The following RBM19 variants were observed in gnomAD, a reference collection of about 807,000 sequenced individuals.
RBM19 encodes the protein probable RNA-binding protein 19.
Under a neutral mutation model 116.8 loss-of-function variants are expected in RBM19, and 94 were observed. That is an observed-to-expected ratio of 0.80 (90% CI 0.68 to 0.95). The LOEUF (loss-of-function observed/expected upper bound fraction) is 0.95, where lower values mean the gene tolerates loss of function less well. Ranked by LOEUF, RBM19 falls within the 40% of genes least tolerant of loss-of-function variation. The pLI, the probability that RBM19 is intolerant of heterozygous loss-of-function variation, is 0.00. For synonymous variants in RBM19, 475 were observed against 494.1 expected, an observed-to-expected ratio of 0.96 and a Z score of 0.51; for missense variants, 1,161 against 1,220.7, an observed-to-expected ratio of 0.95 and a Z score of 0.73.
chr12:113,868,453 T>C (rs973920941), intron 21 of RBM19, among the ~76,000 whole-genome samples: 5 of 152,244 alleles, frequency 3.3e-5, no homozygotes, highest in African/African-American at 9.6e-5. Flanking sequence ...CTGAAAGATA[T>C]TGATAGATAT....
chr12:113,938,407 ATCTATC>A (rs1870260022), intron 15 of RBM19, among the ~76,000 whole-genome samples: 1 of 110,790 alleles, frequency 9.0e-6, no homozygotes, highest in Admixed American at 7.9e-5. Context: ...GGACATGAAT[ATCTATC>A]TCTAAGAATT....
intron 16 of RBM19, among the ~76,000 whole-genome samples, chr12:113,929,590 C>T (rs1869423447): frequency 6.6e-6 from 1 of 152,218 alleles, no homozygotes; most frequent in Admixed American, 6.5e-5. Flanking sequence ...GCAGCTAAGA[C>T]TTCAGGTCCT....
At chr12:113,819,630 G>A (rs934807743), downstream of RBM19, among the ~76,000 whole-genome samples, 1 of 152,154 alleles carries the variant, frequency 6.6e-6, no homozygotes, top group East Asian at 1.9e-4. Context: ...AAAAACAACC[G>A]AAGCCGCCTT....
In RBM19 at chr12:113,966,292, C is replaced by A. The variant is rs1170008654; in HGVS notation, c.-65G>T. The A allele has an allele frequency of 3.1e-6, 5 of 1,604,756 alleles. No individual in the cohort carries two copies. Among genetic ancestry groups the A allele is most frequent in the African/African-American group, 1.3e-5 (1 of 74,774 alleles). ...TCAGCGTCTTCCACCAAGTTTCACG[C>A]TACCGCCCTGGGCGCCGCCATCTTT... On this transcript the variant is annotated 5_prime_UTR_variant, in exon 1 of 24. Transcript: ENST00000261741.
rs543428861 is a variant in RBM19, at chr12:113,950,059, A to T, written c.1072+24T>A. 7 of 1,561,822 alleles carry T rather than the reference A, an allele frequency of 4.5e-6. No individual in the cohort carries two copies. In the East Asian group the frequency reaches 1.6e-4, roughly 35 times the overall value. On this transcript the variant is annotated intron_variant, in intron 9 of 23. Transcript: ENST00000261741. ...CGAAGGAACGCTGTAACACAGAGAGAGCACATGGCCAGGGCTTCCTTACCC... is the reference window on the plus strand; with the variant it reads ...CGAAGGAACGCTGTAACACAGAGAGTGCACATGGCCAGGGCTTCCTTACCC...
intron 5 of RBM19, among the ~76,000 whole-genome samples, chr12:113,958,754 CA>C (rs1245942109): frequency 6.6e-6 from 1 of 152,202 alleles, no homozygotes; most frequent in Admixed American, 6.5e-5. Flanking sequence ...CCCCACACCA[CA>C]AACCCCTTCT....
At chr12:113,832,396 G>A (rs1410094169) in intron 23 of RBM19, among the ~76,000 whole-genome samples, 2 of 152,132 alleles carry the variant, frequency 1.3e-5, no homozygotes, top group Non-Finnish European at 2.9e-5. Flanking sequence ...CGCTGTGTTG[G>A]CCAGGCTGCT....
At chr12:113,867,712 G>C (rs902175229) in intron 21 of RBM19, among the ~76,000 whole-genome samples, 34 of 152,184 alleles carry the variant, frequency 2.2e-4, no homozygotes, top group Non-Finnish European at 8.8e-5. Flanking sequence ...CTTGGGGTTA[G>C]GAGTACTAGA....
Position 113,823,335 on chromosome 12 carries a change from G to C in RBM19, c.2786-14C>G, listed in dbSNP as rs1874585176. On this transcript the variant is annotated splice_polypyrimidine_tract_variant and intron_variant, in intron 23 of 23. Coordinates refer to ENST00000261741, the MANE Select transcript of RBM19 (RefSeq NM_016196.4). The stretch of plus-strand genomic sequence containing the variant: ...TCTTCGGGGGCTCTGTGGGAGCCCA[G>C]ATGGCAAGAGAGGAGAAAAGAACAG... The C allele has an allele frequency of 1.2e-6, 2 of 1,608,194 alleles. No homozygotes were observed. Among genetic ancestry groups the C allele is most frequent in the Admixed American group, 1.7e-5 (1 of 59,964 alleles).
At chr12:113,839,377 G>A (rs1469513633) in intron 23 of RBM19, among the ~76,000 whole-genome samples, 1 of 152,176 alleles carries the variant, frequency 6.6e-6, no homozygotes, top group African/African-American at 2.4e-5. Context: ...TGTTTCAGTG[G>A]GTGAGAGAGA....
chr12:113,827,177 G>T (rs1347139939), intron 23 of RBM19, among the ~76,000 whole-genome samples: 1 of 152,174 alleles, frequency 6.6e-6, no homozygotes, highest in East Asian at 1.9e-4. Flanking sequence ...CCGGAGAAAG[G>T]TGTAAAATAA....
Position 113,927,050 on chromosome 12 carries a change from T to A in RBM19, c.2244+4A>T. On this transcript the variant is annotated splice_donor_region_variant and intron_variant, in intron 17 of 23. Coordinates refer to ENST00000261741, the MANE Select transcript of RBM19 (RefSeq NM_016196.4). ...CCTCCCTCCTGGGCTGAGAAACCAC[T>A]CACTTCCTTCAGCTTCTCTTCTGTT... 1 of 1,612,150 alleles carries A rather than the reference T, an allele frequency of 6.2e-7. No homozygotes were observed. Among genetic ancestry groups the A allele is most frequent in the Non-Finnish European group, 8.5e-7 (1 of 1,179,238 alleles).
intron 21 of RBM19, among the ~76,000 whole-genome samples, chr12:113,879,361 G>A (rs1352956149): frequency 6.6e-6 from 1 of 151,292 alleles, no homozygotes; most frequent in African/African-American, 2.4e-5. Context: ...CTGGTTTGGA[G>A]AGAACAAATT....
At chr12:113,914,253 T>C (rs1882630572) in intron 21 of RBM19, among the ~76,000 whole-genome samples, 1 of 152,250 alleles carries the variant, frequency 6.6e-6, no homozygotes, top group African/African-American at 2.4e-5. Context: ...CCCAGCTGGA[T>C]GACCAGAGAG....
chr12:113,965,640 G>T (rs553909353), intron 1 of RBM19, among the ~76,000 whole-genome samples: 1 of 152,162 alleles, frequency 6.6e-6, no homozygotes, highest in Admixed American at 6.5e-5. Context: ...CCACGTGTCG[G>T]GTTCTGCGCT....
intron 21 of RBM19, among the ~76,000 whole-genome samples, chr12:113,875,137 G>A (rs1394245270): frequency 6.6e-6 from 1 of 152,270 alleles, no homozygotes; most frequent in Non-Finnish European, 1.5e-5. Flanking sequence ...CCAGGGACAT[G>A]TCAGGGGACA....
chr12:113,824,027 T>C (rs1186664387), intron 23 of RBM19, among the ~76,000 whole-genome samples: 1 of 152,130 alleles, frequency 6.6e-6, no homozygotes, highest in Non-Finnish European at 1.5e-5. Context: ...CTTTGAAGAA[T>C]GCAGAGGAGT....
chr12:113,955,151 C>T lies in RBM19; in HGVS notation c.901G>A (p.Ala301Thr). Residue 301 changes from alanine to threonine, a missense_variant, in exon 7 of 24, where the codon GCC (alanine) becomes ACC (threonine). Transcript: ENST00000261741. The stretch of plus-strand genomic sequence containing the variant: ...CATACCTCTGTGACATTGAACGGGG[C>T]TCCCCGCAGCTTCACGGTGTGGCAG... ...TTCHTVKLRG[A>T]PFNVTEKNVM... The T allele has an allele frequency of 6.2e-7, 1 of 1,613,974 alleles. No individual in the cohort carries two copies. Among genetic ancestry groups the T allele is most frequent in the Non-Finnish European group, 8.5e-7 (1 of 1,179,896 alleles).
At chr12:113,826,791 A>G (rs546356373) in intron 23 of RBM19, among the ~76,000 whole-genome samples, 20 of 152,338 alleles carry the variant, frequency 1.3e-4, no homozygotes, top group African/African-American at 4.8e-4. Context: ...TTGATAGGAA[A>G]GGTGTTGACT....
Sources: allele counts gnomAD v4.1 joint callset (sites outside exome capture counted in the v4.1 genomes callset), GRCh38; gene constraint gnomAD v4.1.1; transcripts MANE v1.5; gene names NCBI Gene and HGNC (gene_info 2026-07-23, HGNC 2026-07-21).